Variants in PPIL4 observed in about 807,000 individuals in gnomAD.
PPIL4 encodes peptidyl-prolyl cis-trans isomerase-like 4.
PPIL4 carries 50 observed loss-of-function variants against 69.1 expected under a neutral mutation model. The observed-to-expected ratio is 0.72, with a 90% CI of 0.58 to 0.92. The LOEUF is 0.92. Ranked by LOEUF, PPIL4 falls within the 40% of genes least tolerant of loss-of-function variation. The pLI is 0.00. For synonymous variants in PPIL4, 193 were observed against 191.6 expected, an observed-to-expected ratio of 1.01 and a Z score of -0.06; for missense variants, 480 against 587.9, an observed-to-expected ratio of 0.82 and a Z score of 1.90.
rs1202928552 is a variant in PPIL4, at chr6:149,517,425, GA to G, written c.1007del (p.Phe336SerfsTer16). ...GKGGKYTKSD[F>X]KEYEKEQDKP... is the part of the protein sequence containing the mutation. Reference sequence around the variant, plus strand: ...TATCCTGTTCTTTTTCATACTCCTTGAAATCACTCTTGGTGTATTTCCCACC... The same window carrying G: ...TATCCTGTTCTTTTTCATACTCCTTGAATCACTCTTGGTGTATTTCCCACC... On this transcript the variant is annotated frameshift_variant, in exon 11 of 13. Coordinates refer to ENST00000253329, the MANE Select transcript of PPIL4 (RefSeq NM_139126.4). LOFTEE classifies it high-confidence loss of function. 1.2e-6 allele frequency: 2 copies of G among 1,600,922 alleles called. No homozygotes were observed. The highest frequency in any genetic ancestry group is 8.5e-7 in the Non-Finnish European group (1 of 1,172,106).
intron 5 of PPIL4, 59 bp downstream of exon 5, chr6:149,535,537 G>A: frequency 7.1e-7 from 1 of 1,398,710 alleles, no homozygotes; most frequent in Non-Finnish European, 1.0e-6. Flanking sequence ...ACCACTACGT[G>A]TTAAACATCT....
At chr6:149,515,204 C>A (rs992985521) in intron 11 of PPIL4, among the ~76,000 whole-genome samples, 3 of 147,422 alleles carry the variant, frequency 2.0e-5, no homozygotes, top group Non-Finnish European at 3.0e-5. Context: ...CCTGGCTGCT[C>A]TCAAACTTCT....
chr6:149,506,440 C>G (rs1776772596), intron 12 of PPIL4, among the ~76,000 whole-genome samples: 1 of 152,170 alleles, frequency 6.6e-6, no homozygotes, highest in Non-Finnish European at 1.5e-5. Context: ...CCACTGCACT[C>G]CAGCCTGGGC....
intron 10 of PPIL4, among the ~76,000 whole-genome samples, chr6:149,518,246 A>G (rs187410967): frequency 1.3e-5 from 2 of 152,324 alleles, no homozygotes; most frequent in Admixed American, 1.3e-4. Context: ...CTAGAAAGGA[A>G]GAGCATTCAA....
chr6:149,541,546 G>A lies in PPIL4; in HGVS notation c.111C>T (p.Tyr37=), dbSNP rs1466777347. 93 of 1,586,286 alleles carry A rather than the reference G, an allele frequency of 5.9e-5. No individual in the cohort carries two copies. Among genetic ancestry groups the A allele is most frequent in the Non-Finnish European group, 7.8e-5 (90 of 1,156,576 alleles). Residue 37 remains tyrosine (Y), a synonymous_variant, in exon 2 of 13, where the codon TAC becomes TAT. Transcript: ENST00000253329. ...GTACATTGTGAATAAGGCAATAATT[G>A]TAATATTTTATTTTGCACAGTTTCA... ...NFLKLCKIKY[Y]NYCLIHNVQR...
intron 12 of PPIL4, among the ~76,000 whole-genome samples, 192 bp from the exon 13 acceptor site, chr6:149,505,896 G>A (rs912672052): frequency 3.9e-5 from 6 of 152,140 alleles, no homozygotes; most frequent in Non-Finnish European, 5.9e-5. Context: ...GTTTAACAAC[G>A]TCATTGATTT....
intron 9 of PPIL4, among the ~76,000 whole-genome samples, chr6:149,522,590 T>A (rs1716202339): frequency 6.6e-6 from 1 of 152,112 alleles, no homozygotes; most frequent in African/African-American, 2.4e-5. Flanking sequence ...AGTAGAGACC[T>A]CAGAGAAAAA....
intron 12 of PPIL4, among the ~76,000 whole-genome samples, chr6:149,509,084 A>C (rs962850279): frequency 6.6e-6 from 1 of 152,216 alleles, no homozygotes; most frequent in Non-Finnish European, 1.5e-5. Flanking sequence ...ATATCATTAA[A>C]TCAAAGTACA....
At chr6:149,508,363 T>C (rs1776796412) in intron 12 of PPIL4, among the ~76,000 whole-genome samples, 1 of 152,126 alleles carries the variant, frequency 6.6e-6, no homozygotes, top group Admixed American at 6.5e-5. Context: ...TATGAATTTT[T>C]AAAAGTTATA....
intron 7 of PPIL4, among the ~76,000 whole-genome samples, chr6:149,532,383 C>T (rs907693109): frequency 2.1e-4 from 32 of 152,158 alleles, no homozygotes; most frequent in Non-Finnish European, 1.5e-4. Context: ...TAAATTCATT[C>T]CCTTATAAGT....
At chr6:149,518,634 C>T (rs1488743798) in intron 10 of PPIL4, among the ~76,000 whole-genome samples, 1 of 152,176 alleles carries the variant, frequency 6.6e-6, no homozygotes, top group African/African-American at 2.4e-5. Context: ...AAATGTGAAA[C>T]AGTCTACTGC....
At chr6:149,526,608 AC>A (rs772925297) in intron 8 of PPIL4, 43 bp downstream of exon 8, 47 of 1,541,858 alleles carry the variant, frequency 3.0e-5, no homozygotes, top group Non-Finnish European at 4.1e-5. Flanking sequence ...ACCAACTGAT[AC>A]CTAGTTTTTC....
At chr6:149,513,196 G>C (rs1319414534) in intron 11 of PPIL4, among the ~76,000 whole-genome samples, 3 of 147,350 alleles carry the variant, frequency 2.0e-5, no homozygotes, top group Non-Finnish European at 4.5e-5. Context: ...GACCAGCCTG[G>C]CCAATATGGT....
At chr6:149,516,985 AG>A (rs1340387678) in intron 11 of PPIL4, 1 of 158,184 alleles carries the variant, frequency 6.3e-6, no homozygotes, top group African/African-American at 2.4e-5. Flanking sequence ...GAATTTGTCT[AG>A]TAGGCTTTCC....
At chr6:149,527,392 T>C (rs1011330605) in intron 7 of PPIL4, among the ~76,000 whole-genome samples, 6 of 152,144 alleles carry the variant, frequency 3.9e-5, no homozygotes, top group African/African-American at 1.4e-4. Flanking sequence ...AAGTGAAATT[T>C]AAAAGGTTAA....
At chr6:149,523,943 T>C (rs531408195) in intron 9 of PPIL4, among the ~76,000 whole-genome samples, 1 of 152,218 alleles carries the variant, frequency 6.6e-6, no homozygotes, top group Non-Finnish European at 1.5e-5. Flanking sequence ...ACACAGTGCC[T>C]ACATATAACT....
intron 9 of PPIL4, among the ~76,000 whole-genome samples, chr6:149,524,886 G>A (rs549523264): frequency 3.3e-5 from 5 of 151,802 alleles, no homozygotes; most frequent in African/African-American, 1.2e-4. Flanking sequence ...GGGCAACAGA[G>A]TGAGACCCTG....
At chr6:149,518,406 G>A (rs969629958) in intron 10 of PPIL4, among the ~76,000 whole-genome samples, 16 of 152,168 alleles carry the variant, frequency 1.1e-4, no homozygotes, top group African/African-American at 3.9e-4. Flanking sequence ...ACTAGGAAAT[G>A]CTGTTTGTAG....
chr6:149,533,633 T>C (rs1310666989), intron 6 of PPIL4, 59 bp from the exon 7 acceptor site: 7 of 932,680 alleles, frequency 7.5e-6, no homozygotes, highest in East Asian at 2.6e-5. Context: ...CTGAGAAACA[T>C]AGAAGACATA....
Sources: allele counts gnomAD v4.1 joint callset (sites outside exome capture counted in the v4.1 genomes callset), GRCh38; gene constraint gnomAD v4.1.1; transcripts MANE v1.5; gene names NCBI Gene and HGNC (gene_info 2026-07-23, HGNC 2026-07-21).